The following SYNPR variants were observed in gnomAD, a reference collection of about 807,000 sequenced individuals.
SYNPR encodes the protein synaptoporin.
SYNPR carries 23 observed loss-of-function variants against 32.9 expected under a neutral mutation model. The observed-to-expected ratio is 0.70, with a 90% confidence interval of 0.50 to 0.99. The LOEUF is 0.99. SYNPR is among the 50% of genes least tolerant of loss of function. The pLI, the probability that SYNPR is intolerant of heterozygous loss-of-function variation, is 0.00. For missense variants in SYNPR, 318 were observed against 349.3 expected (o/e 0.91, Z 0.71); for synonymous variants, 146 against 135.9 (o/e 1.07, Z -0.52).
chr3:63,291,153 T>C (rs895146617), intron 2 of SYNPR, among the ~76,000 whole-genome samples: 1 of 152,170 alleles, frequency 6.6e-6, no homozygotes, highest in African/African-American at 2.4e-5. Context: ...CCACAGACTT[T>C]GGGTATATTC....
intron 3 of SYNPR, among the ~76,000 whole-genome samples, chr3:63,502,198 C>A (rs1403339374): frequency 6.6e-6 from 1 of 151,898 alleles, no homozygotes; most frequent in Non-Finnish European, 1.5e-5. Flanking sequence ...CATTCTAGTT[C>A]TGTTGGGCAG....
At chr3:63,225,544 C>A (rs563157729), upstream of SYNPR, among the ~76,000 whole-genome samples, 26 of 152,070 alleles carry the variant, frequency 1.7e-4, no homozygotes, top group African/African-American at 6.3e-4. Flanking sequence ...TTAGGGAGCA[C>A]TTTTAGGATC....
intron 3 of SYNPR, among the ~76,000 whole-genome samples, chr3:63,542,398 C>G (rs76948536): frequency 6.6e-6 from 1 of 152,136 alleles, no homozygotes; most frequent in East Asian, 1.9e-4. Flanking sequence ...TAACACTGCT[C>G]GCAAATTTCG....
chr3:63,478,148 A>G (rs1700973201), intron 2 of SYNPR, among the ~76,000 whole-genome samples: 1 of 152,216 alleles, frequency 6.6e-6, no homozygotes, highest in East Asian at 1.9e-4. Flanking sequence ...TGTGGTTTCA[A>G]TAGTCATGAC....
chr3:63,445,302 A>G (rs1447159948), intron 2 of SYNPR, among the ~76,000 whole-genome samples: 2 of 152,302 alleles, frequency 1.3e-5, no homozygotes, highest in East Asian at 3.9e-4. Context: ...TAGGGCTCCA[A>G]GCATACTCAG....
At chr3:63,232,116 G>A (rs189876736) in intron 1 of SYNPR, among the ~76,000 whole-genome samples, 5 of 150,766 alleles carry the variant, frequency 3.3e-5, no homozygotes, top group African/African-American at 9.7e-5. Flanking sequence ...GGATATATGG[G>A]ATTTAGAAAG....
intron 2 of SYNPR, among the ~76,000 whole-genome samples, chr3:63,362,165 G>A (rs567248573): frequency 1.3e-5 from 2 of 152,300 alleles, no homozygotes; most frequent in East Asian, 1.9e-4. Flanking sequence ...GTGAAGCCAT[G>A]CTCACTCTGT....
chr3:63,512,886 G>T (rs775979510), intron 3 of SYNPR, among the ~76,000 whole-genome samples: 1 of 152,110 alleles, frequency 6.6e-6, no homozygotes, highest in South Asian at 2.1e-4. Context: ...AAAAGGCAAA[G>T]AATTGTTCTC....
intron 3 of SYNPR, among the ~76,000 whole-genome samples, chr3:63,489,797 A>T (rs1701225589): frequency 6.6e-6 from 1 of 152,234 alleles, no homozygotes; most frequent in South Asian, 2.1e-4. Context: ...GAAGTAAAAT[A>T]AGAATTAGTG....
chr3:63,425,274 C>A (rs1485617654), intron 2 of SYNPR, among the ~76,000 whole-genome samples: 6 of 152,072 alleles, frequency 3.9e-5, no homozygotes, highest in African/African-American at 1.4e-4. Flanking sequence ...AACTCTCCAC[C>A]CAAAGAGTAG....
intron 3 of SYNPR, among the ~76,000 whole-genome samples, chr3:63,499,608 A>G (rs114817537): frequency 0.016 from 2,499 of 152,264 alleles, 70 homozygotes; most frequent in African/African-American, 0.057. Flanking sequence ...GAGGTGAAGG[A>G]AAGTATCAGA....
intron 3 of SYNPR, among the ~76,000 whole-genome samples, chr3:63,508,364 T>A (rs910007553): frequency 6.6e-6 from 1 of 152,128 alleles, no homozygotes; most frequent in African/African-American, 2.4e-5. Context: ...AAACAGTGGC[T>A]ATAGTAAATA....
intron 3 of SYNPR, among the ~76,000 whole-genome samples, chr3:63,498,615 T>C (rs902909250): frequency 6.6e-6 from 1 of 152,064 alleles, no homozygotes; most frequent in African/African-American, 2.4e-5. Context: ...GAAGAGATTC[T>C]TACAGATGGA....
intron 4 of SYNPR, among the ~76,000 whole-genome samples, chr3:63,570,193 G>T (rs1473977922): frequency 6.6e-6 from 1 of 152,096 alleles, no homozygotes; most frequent in Non-Finnish European, 1.5e-5. Flanking sequence ...TTAAGAGTTG[G>T]CACACTTAGG....
intron 2 of SYNPR, among the ~76,000 whole-genome samples, chr3:63,477,233 T>C (rs1482594253): frequency 6.6e-6 from 1 of 152,070 alleles, no homozygotes; most frequent in Non-Finnish European, 1.5e-5. Context: ...CAGTCCCCTC[T>C]CCTCACTGTG....
intron 2 of SYNPR, among the ~76,000 whole-genome samples, chr3:63,337,232 C>CA (rs67376099): frequency 0.39 from 21,189 of 54,698 alleles, 3,715 homozygotes; most frequent in African/African-American, 0.43. Flanking sequence ...ACTCTGTCTC[C>CA]AAAAAAAAAA....
chr3:63,393,407 C>A (rs1186588542), intron 2 of SYNPR, among the ~76,000 whole-genome samples: 2 of 151,278 alleles, frequency 1.3e-5, no homozygotes, highest in Non-Finnish European at 2.9e-5. Flanking sequence ...TAGTGTTGGA[C>A]TGTTGGAGAA....
chr3:63,387,297 C>T (rs2107078353), intron 2 of SYNPR, among the ~76,000 whole-genome samples: 1 of 152,080 alleles, frequency 6.6e-6, no homozygotes, highest in South Asian at 2.1e-4. Flanking sequence ...AGTGTTTTAC[C>T]ATACAGTTAT....
chr3:63,586,902 T>A (rs1204185238), intron 4 of SYNPR, among the ~76,000 whole-genome samples: 2 of 151,978 alleles, frequency 1.3e-5, no homozygotes, highest in Non-Finnish European at 2.9e-5. Context: ...GTCTTTACAC[T>A]GTCACACAAG....
Sources: allele counts gnomAD v4.1 joint callset (sites outside exome capture counted in the v4.1 genomes callset), GRCh38; gene constraint gnomAD v4.1.1; transcripts MANE v1.5; gene names NCBI Gene and HGNC (gene_info 2026-07-23, HGNC 2026-07-21).